CCDC172: variants seen among roughly 807,000 people sequenced by gnomAD.
The protein encoded by CCDC172 is coiled-coil domain-containing protein 172.
A neutral mutation model predicts 38.0 loss-of-function variants in CCDC172; 30 were observed. The observed-to-expected ratio is 0.79, with a 90% confidence interval of 0.59 to 1.07. The LOEUF is 1.07. Among genes scored for constraint, CCDC172 ranks in the 50% least tolerant of loss-of-function variants. The pLI is 0.00. For synonymous variants in CCDC172, 78 were observed against 88.3 expected (o/e 0.88, Z 0.66); for missense variants, 297 against 290.1 (o/e 1.02, Z -0.17).
At chr10:116,379,285 A>G in intron 8 of CCDC172, 38 bp from the exon 9 acceptor site, 1 of 1,324,406 alleles carries the variant, frequency 7.6e-7, no homozygotes, top group Non-Finnish European at 1.0e-6. Flanking sequence ...TTAAGAATTT[A>G]CTTTTCCTCA....
chr10:116,343,165 G>T (rs1362304924), intron 5 of CCDC172, among the ~76,000 whole-genome samples: 1 of 152,088 alleles, frequency 6.6e-6, no homozygotes, highest in Non-Finnish European at 1.5e-5. Flanking sequence ...TTAATGTCCA[G>T]TATTTCCTCA....
At chr10:116,341,621 T>C (rs1312748245) in intron 4 of CCDC172, among the ~76,000 whole-genome samples, 1 of 152,054 alleles carries the variant, frequency 6.6e-6, no homozygotes, top group Admixed American at 6.6e-5. Flanking sequence ...TATCCTTGTT[T>C]GTTTGTTTGT....
At chr10:116,367,513 T>A (rs1201481624) in intron 7 of CCDC172, among the ~76,000 whole-genome samples, 2 of 151,846 alleles carry the variant, frequency 1.3e-5, no homozygotes, top group Admixed American at 6.6e-5. Context: ...CACAGTGAAA[T>A]CCCATCTCTA....
At chr10:116,350,234 C>T (rs1164385577) in intron 5 of CCDC172, among the ~76,000 whole-genome samples, 1 of 152,182 alleles carries the variant, frequency 6.6e-6, no homozygotes, top group African/African-American at 2.4e-5. Flanking sequence ...ATTACTTTGA[C>T]TGCTATTGAG....
chr10:116,366,946 T>C (rs1845130053), intron 7 of CCDC172, among the ~76,000 whole-genome samples: 2 of 152,230 alleles, frequency 1.3e-5, no homozygotes, highest in South Asian at 4.1e-4. Flanking sequence ...TTATGATCCA[T>C]GCATTTTTTT....
chr10:116,329,374 C>T (rs528477712), intron 3 of CCDC172, among the ~76,000 whole-genome samples: 1 of 152,018 alleles, frequency 6.6e-6, no homozygotes, highest in South Asian at 2.1e-4. Flanking sequence ...ATTCTTTGAC[C>T]CCAGGGCCTT....
chr10:116,377,719 A>AT (rs142380148), intron 7 of CCDC172, among the ~76,000 whole-genome samples: 18,452 of 151,152 alleles, frequency 0.12, 1,792 homozygotes, highest in African/African-American at 0.26. Context: ...CTCAAGGGTC[A>AT]TTTTTTTTTC....
chr10:116,332,381 G>A (rs565626480), intron 3 of CCDC172, among the ~76,000 whole-genome samples: 7 of 152,000 alleles, frequency 4.6e-5, no homozygotes, highest in African/African-American at 7.2e-5. Flanking sequence ...AATGCCTCAC[G>A]TTGTCATTCT....
At chr10:116,359,887 G>A (rs1334150419) in intron 7 of CCDC172, among the ~76,000 whole-genome samples, 1 of 152,080 alleles carries the variant, frequency 6.6e-6, no homozygotes, top group African/African-American at 2.4e-5. Flanking sequence ...CCATGTTCAG[G>A]TTATTTGTTG....
intron 5 of CCDC172, among the ~76,000 whole-genome samples, chr10:116,347,263 TGA>T (rs1844879166): frequency 1.3e-5 from 2 of 152,138 alleles, no homozygotes; most frequent in Non-Finnish European, 2.9e-5. Context: ...AACACGTTAC[TGA>T]GTGGAGTTGA....
intron 3 of CCDC172, among the ~76,000 whole-genome samples, chr10:116,331,394 T>C (rs1266149726): frequency 6.6e-6 from 1 of 152,150 alleles, no homozygotes; most frequent in Admixed American, 6.6e-5. Context: ...CCTGTCTCTA[T>C]GCTGTGTGAT....
intron 5 of CCDC172, among the ~76,000 whole-genome samples, chr10:116,342,800 A>T (rs1485585650): frequency 1.3e-5 from 2 of 151,988 alleles, no homozygotes; most frequent in African/African-American, 4.8e-5. Context: ...GGTTGTTTAA[A>T]AGTATGTAGC....
chr10:116,344,372 A>G (rs1037513617), intron 5 of CCDC172, among the ~76,000 whole-genome samples: 2 of 152,218 alleles, frequency 1.3e-5, no homozygotes, highest in East Asian at 3.9e-4. Flanking sequence ...CCTGTACTCA[A>G]TGTTACTATA....
intron 7 of CCDC172, among the ~76,000 whole-genome samples, chr10:116,376,847 T>C (rs1057374099): frequency 1.3e-5 from 2 of 152,094 alleles, no homozygotes; most frequent in Admixed American, 1.3e-4. Flanking sequence ...GGTGACACAC[T>C]AATTCCAGGG....
Position 116,379,320 on chromosome 10 carries a change from CA to C in CCDC172, c.742-2del. 1 of 1,564,420 alleles carries C rather than the reference CA, an allele frequency of 6.4e-7. No homozygotes were observed. Among genetic ancestry groups the C allele is most frequent in the Non-Finnish European group, 8.7e-7 (1 of 1,154,318 alleles). On this transcript the variant is annotated splice_acceptor_variant, in intron 8 of 8. Coordinates refer to ENST00000333254, the MANE Select transcript of CCDC172 (RefSeq NM_198515.3). LOFTEE classifies it high-confidence loss of function. ...ATGAGTAATTACTATGTTTTCTTTT[CA>C]GACATTGGCACAGAAAGATCTTCAG... is the stretch of plus-strand genomic sequence containing the variant.
chr10:116,331,665 T>G (rs1844664852), intron 3 of CCDC172, among the ~76,000 whole-genome samples: 1 of 152,170 alleles, frequency 6.6e-6, no homozygotes, highest in Non-Finnish European at 1.5e-5. Flanking sequence ...CTTTCTTACA[T>G]GGTGGTAGAT....
At chr10:116,372,585 G>A (rs1313124527) in intron 7 of CCDC172, among the ~76,000 whole-genome samples, 2 of 152,008 alleles carry the variant, frequency 1.3e-5, no homozygotes, top group Admixed American at 1.3e-4. Flanking sequence ...TTACCATAGT[G>A]CATTTGAGAT....
At chr10:116,328,889 A>T (rs1430262046) in intron 3 of CCDC172, among the ~76,000 whole-genome samples, 2 of 152,134 alleles carry the variant, frequency 1.3e-5, no homozygotes, top group Non-Finnish European at 2.9e-5. Context: ...ATTGAAATGG[A>T]GTTTTGTAAT....
intron 7 of CCDC172, among the ~76,000 whole-genome samples, chr10:116,365,282 T>C (rs1038361221): frequency 2.6e-5 from 4 of 152,182 alleles, no homozygotes; most frequent in African/African-American, 9.7e-5. Flanking sequence ...TATAATTTGC[T>C]CTGCATGCCC....
Sources: gnomAD v4.1 joint callset for allele counts (sites outside exome capture counted in the v4.1 genomes callset) on GRCh38, gnomAD v4.1.1 for gene constraint, MANE v1.5 for transcripts, NCBI Gene and HGNC (gene_info 2026-07-23, HGNC 2026-07-21) for gene names.